Variants in PIGU observed in about 807,000 individuals in gnomAD.
PIGU encodes the protein phosphatidylinositol glycan anchor biosynthesis class U, also known as GPI-anchor transamidase component PIGU.
PIGU carries 24 observed loss-of-function variants against 49.9 expected under a neutral mutation model. That is an observed-to-expected ratio of 0.48 (90% CI 0.35 to 0.68). The LOEUF (loss-of-function observed/expected upper bound fraction) is 0.68. Among genes scored for constraint, PIGU ranks in the 30% least tolerant of loss-of-function variants. The pLI, the probability that PIGU is intolerant of heterozygous loss-of-function variation, is 0.01. For missense variants in PIGU, 490 were observed against 532.6 expected, an observed-to-expected ratio of 0.92 and a Z score of 0.79; for synonymous variants, 220 against 205.7, an observed-to-expected ratio of 1.07 and a Z score of -0.59.
At chr20:34,611,042 T>C (rs1327493454) in intron 7 of PIGU, among the ~76,000 whole-genome samples, 2 of 152,158 alleles carry the variant, frequency 1.3e-5, no homozygotes, top group Non-Finnish European at 2.9e-5. Context: ...TTACACCTTA[T>C]ACAAAAATTA....
rs530476129 is a variant in PIGU, at chr20:34,658,229, G to C, written c.131-985C>G. Among the ~76,000 whole-genome samples, 257 of 152,354 alleles carry C rather than the reference G, an allele frequency of 1.7e-3. 1 individual carries two copies. Among genetic ancestry groups the C allele is most frequent in the African/African-American group, 6.0e-3 (249 of 41,582 alleles). On this transcript the variant is annotated intron_variant, in intron 1 of 11. Coordinates refer to ENST00000217446, the MANE Select transcript of PIGU (RefSeq NM_080476.5). ...GGGCCGGTCTCCAGCTCCTAACCGC[G>C]AGTGATCCGCCAACCTCGGCCTCCC...
intron 1 of PIGU, among the ~76,000 whole-genome samples, chr20:34,676,059 T>TA (rs1180046046): frequency 1.6e-4 from 24 of 151,810 alleles, no homozygotes; most frequent in African/African-American, 5.8e-4. Flanking sequence ...TGTTTTTTTT[T>TA]AATCATCAAA....
intron 2 of PIGU, among the ~76,000 whole-genome samples, chr20:34,656,612 A>C (rs1022930383): frequency 9.2e-5 from 14 of 151,856 alleles, no homozygotes; most frequent in Non-Finnish European, 2.1e-4. Context: ...GCTAATTTTA[A>C]ATAAAAATTA....
At chr20:34,617,225 G>A (rs966133020) in intron 6 of PIGU, among the ~76,000 whole-genome samples, 1 of 152,162 alleles carries the variant, frequency 6.6e-6, no homozygotes, top group Non-Finnish European at 1.5e-5. Flanking sequence ...CTGAGAAGAG[G>A]GTCACTGTCC....
chr20:34,659,069 G>C (rs1600667544), intron 1 of PIGU, among the ~76,000 whole-genome samples: 2 of 145,358 alleles, frequency 1.4e-5, no homozygotes, highest in African/African-American at 2.5e-5. Context: ...CCGTCCGGGA[G>C]GGAGGTGGGG....
At chr20:34,566,671 G>A (rs1982781006) in intron 11 of PIGU, among the ~76,000 whole-genome samples, 1 of 152,176 alleles carries the variant, frequency 6.6e-6, no homozygotes, top group Non-Finnish European at 1.5e-5. Context: ...CCTACTTAGA[G>A]AAGGGAAGCT....
intron 1 of PIGU, among the ~76,000 whole-genome samples, chr20:34,675,849 A>AAAAAAC (rs757485879): frequency 5.9e-5 from 9 of 152,106 alleles, no homozygotes; most frequent in Non-Finnish European, 7.4e-5. Context: ...GTCTCTAAAC[A>AAAAAAC]AAAAACAAAA....
chr20:34,572,735 C>A (rs1983065590), intron 11 of PIGU, among the ~76,000 whole-genome samples: 2 of 152,192 alleles, frequency 1.3e-5, no homozygotes, highest in South Asian at 4.1e-4. Context: ...CTAGTCCAAA[C>A]CACTGGATGT....
At chr20:34,639,803 C>T (rs373470627) in intron 4 of PIGU, among the ~76,000 whole-genome samples, 45 of 152,204 alleles carry the variant, frequency 3.0e-4, no homozygotes, top group Middle Eastern at 3.4e-3. Context: ...CCAAGTTAAG[C>T]GGTGGGAATT....
chr20:34,566,205 G>A (rs1276729472), intron 11 of PIGU, among the ~76,000 whole-genome samples: 2 of 152,242 alleles, frequency 1.3e-5, no homozygotes, highest in African/African-American at 4.8e-5. Context: ...CCTGCCAGGA[G>A]TCTTCTCTAA....
At chr20:34,655,748 T>C (rs1384416122) in intron 2 of PIGU, among the ~76,000 whole-genome samples, 1 of 121,032 alleles carries the variant, frequency 8.3e-6, no homozygotes, top group South Asian at 2.4e-4. Flanking sequence ...TTCAGGGCTT[T>C]GTATGCCCCT....
intron 1 of PIGU, among the ~76,000 whole-genome samples, chr20:34,664,371 A>G (rs1987021910): frequency 6.6e-6 from 1 of 152,160 alleles, no homozygotes; most frequent in African/African-American, 2.4e-5. Flanking sequence ...CAGGCTGGTA[A>G]AAACATTTTT....
chr20:34,586,929 A>C (rs1209581326), intron 8 of PIGU, among the ~76,000 whole-genome samples: 1 of 152,152 alleles, frequency 6.6e-6, no homozygotes, highest in African/African-American at 2.4e-5. Flanking sequence ...GGAGGTTGCA[A>C]ATTTTTTTGT....
chr20:34,633,300 T>G (rs545040251), intron 6 of PIGU, among the ~76,000 whole-genome samples: 2 of 151,822 alleles, frequency 1.3e-5, no homozygotes, highest in Non-Finnish European at 2.9e-5. Context: ...CCTGTCTCTA[T>G]AAAAAATACA....
intron 11 of PIGU, among the ~76,000 whole-genome samples, chr20:34,565,652 C>T (rs899432112): frequency 1.3e-4 from 19 of 151,958 alleles, no homozygotes; most frequent in African/African-American, 3.9e-4. Flanking sequence ...TGAAATACTG[C>T]CTTGCCAATC....
chr20:34,631,564 T>C (rs1985710528), intron 6 of PIGU, among the ~76,000 whole-genome samples: 1 of 148,578 alleles, frequency 6.7e-6, no homozygotes, highest in African/African-American at 2.4e-5. Context: ...TCTCCTTTTT[T>C]TTTTTTTGAG....
chr20:34,662,068 G>GC (rs577018939), intron 1 of PIGU, among the ~76,000 whole-genome samples: 6 of 151,772 alleles, frequency 4.0e-5, no homozygotes, highest in South Asian at 2.1e-4. Context: ...CATGTCCTGT[G>GC]CCCCCCCGCC....
chr20:34,595,366 T>C (rs1008690743), intron 7 of PIGU, among the ~76,000 whole-genome samples: 2 of 152,184 alleles, frequency 1.3e-5, no homozygotes, highest in Admixed American at 1.3e-4. Flanking sequence ...GTATGAAGTA[T>C]TACAAGTAAT....
chr20:34,583,878 A>C (rs1983587215), intron 9 of PIGU, among the ~76,000 whole-genome samples: 1 of 152,228 alleles, frequency 6.6e-6, no homozygotes, highest in Non-Finnish European at 1.5e-5. Flanking sequence ...TGGTGCACAG[A>C]CCATGGAGAA....
Sources: gnomAD v4.1 joint callset for allele counts (sites outside exome capture counted in the v4.1 genomes callset) on GRCh38, gnomAD v4.1.1 for gene constraint, MANE v1.5 for transcripts, NCBI Gene and HGNC (gene_info 2026-07-23, HGNC 2026-07-21) for gene names.